Variants in EHMT1 observed in about 807,000 individuals in gnomAD.
EHMT1 encodes euchromatic histone lysine methyltransferase 1.
EHMT1 carries 15 observed loss-of-function variants against 147.2 expected under a neutral mutation model. The ratio of observed to expected loss-of-function variants is 0.10; its 90% CI spans 0.07 to 0.16. The LOEUF is 0.16. Ranked by LOEUF, EHMT1 falls within the 10% of genes least tolerant of loss-of-function variation. The probability of loss-of-function intolerance (pLI) is 1.00; values close to 1 mark genes in which losing one functional copy is unlikely to be tolerated. For missense variants in EHMT1, 1,587 were observed against 1,772.4 expected, an observed-to-expected ratio of 0.90 and a Z score of 1.88; for synonymous variants, 795 against 709.6, an observed-to-expected ratio of 1.12 and a Z score of -1.91.
At chr9:137,723,864 A>G (rs889715090) in intron 3 of EHMT1, among the ~76,000 whole-genome samples, 5 of 152,248 alleles carry the variant, frequency 3.3e-5, no homozygotes, top group Non-Finnish European at 7.3e-5. Flanking sequence ...TCCCGTGGCC[A>G]GAACCAAGGG....
At chr9:137,635,985 G>C (rs535429500) in intron 1 of EHMT1, among the ~76,000 whole-genome samples, 1 of 150,868 alleles carries the variant, frequency 6.6e-6, no homozygotes, top group Non-Finnish European at 1.5e-5. Flanking sequence ...GCAGTGGTAC[G>C]ATCTCGGTTC....
chr9:137,669,384 AC>A (rs1326378267), intron 1 of EHMT1, among the ~76,000 whole-genome samples: 4 of 97,194 alleles, frequency 4.1e-5, no homozygotes, highest in East Asian at 3.3e-4. Flanking sequence ...ACTGGACTCC[AC>A]CCAAGACGCC....
chr9:137,627,148 A>G (rs182112691), intron 1 of EHMT1, among the ~76,000 whole-genome samples: 1 of 151,732 alleles, frequency 6.6e-6, no homozygotes, highest in Non-Finnish European at 1.5e-5. Context: ...TGGTAGAGAC[A>G]GGGTTTCACC....
At chr9:137,822,419 A>AC (rs1955489109) in intron 25 of EHMT1, among the ~76,000 whole-genome samples, 1 of 152,134 alleles carries the variant, frequency 6.6e-6, no homozygotes, top group Non-Finnish European at 1.5e-5. Flanking sequence ...ATGATGGGGT[A>AC]CCTTTAACTT....
At chr9:137,740,558 C>A (rs1227037301) in intron 4 of EHMT1, among the ~76,000 whole-genome samples, 1 of 152,222 alleles carries the variant, frequency 6.6e-6, no homozygotes, top group African/African-American at 2.4e-5. Context: ...GCTGGAAGTC[C>A]CCCTGCAGGA....
intron 15 of EHMT1, among the ~76,000 whole-genome samples, chr9:137,790,420 T>G (rs1044522025): frequency 6.6e-6 from 1 of 152,224 alleles, no homozygotes; most frequent in Admixed American, 6.5e-5. Flanking sequence ...ATCAGGATTT[T>G]CCACTTATTT....
rs1003068196 is a variant in EHMT1, at chr9:137,802,809, G to C, written c.2712+1825G>C. 8.1e-6 allele frequency: 10 copies of C among 1,231,660 alleles called. No individual in the cohort carries two copies. The East Asian group carries it at 2.2e-4, about 27-fold the overall frequency. The allele number at this position is 1,231,660 out of a possible 1,614,324, so 76.3% of individuals were successfully genotyped here. Reference sequence around the variant, plus strand: ...TGCAGGGCTTCCATGACTGTATCCAGGGGGTTTCTACCTCATTCCACCGGA... The same window carrying C: ...TGCAGGGCTTCCATGACTGTATCCACGGGGTTTCTACCTCATTCCACCGGA... On this transcript the variant is annotated intron_variant, in intron 18 of 26. Coordinates refer to ENST00000460843, the MANE Select transcript of EHMT1 (RefSeq NM_024757.5).
chr9:137,815,681 C>T (rs1954862104), intron 22 of EHMT1: 1 of 495,728 alleles, frequency 2.0e-6, no homozygotes, highest in East Asian at 3.9e-5. Flanking sequence ...CTGGGAAGGC[C>T]CTGGGTGGAC....
At chr9:137,636,531 T>G (rs1327229359) in intron 1 of EHMT1, among the ~76,000 whole-genome samples, 4 of 152,218 alleles carry the variant, frequency 2.6e-5, no homozygotes, top group African/African-American at 9.6e-5. Flanking sequence ...AGCTATGAGT[T>G]TTTCCATAGA....
At chr9:137,705,963 C>T (rs1944234737) in intron 1 of EHMT1, among the ~76,000 whole-genome samples, 1 of 150,974 alleles carries the variant, frequency 6.6e-6, no homozygotes, top group Admixed American at 6.7e-5. Context: ...TTCCAAATTG[C>T]GAGGTGGGGA....
chr9:137,790,998 C>T (rs775280888), intron 16 of EHMT1, 28 bp downstream of exon 16: 1 of 1,614,032 alleles, frequency 6.2e-7, no homozygotes, highest in Non-Finnish European at 8.5e-7. Context: ...AATCAACGTC[C>T]TAGTGTGTGT....
chr9:137,718,155 C>T lies in EHMT1; in HGVS notation c.642+973C>T, dbSNP rs944798227. Among the ~76,000 whole-genome samples, 5 of 149,754 alleles carry T rather than the reference C, an allele frequency of 3.3e-5. No homozygotes were observed. In the East Asian group the frequency reaches 7.8e-4, roughly 23 times the overall value. ...AGGGCGCGCCTGCCCCTCACACGCA[C>T]CGTGCTGATTTTCACACACAGGGCG... On this transcript the variant is annotated intron_variant, in intron 3 of 26. Coordinates refer to ENST00000460843, the MANE Select transcript of EHMT1 (RefSeq NM_024757.5).
chr9:137,682,598 G>C (rs1433162681), intron 1 of EHMT1, among the ~76,000 whole-genome samples: 1 of 152,162 alleles, frequency 6.6e-6, no homozygotes, highest in Non-Finnish European at 1.5e-5. Flanking sequence ...TCTTCACCAG[G>C]TGGCAGAAAC....
chr9:137,697,982 G>A (rs1943530228), intron 1 of EHMT1, among the ~76,000 whole-genome samples: 1 of 149,822 alleles, frequency 6.7e-6, no homozygotes, highest in African/African-American at 2.5e-5. Flanking sequence ...ACTCCCCACT[G>A]TTGTGAGGGC....
intron 1 of EHMT1, among the ~76,000 whole-genome samples, chr9:137,694,440 C>T (rs557146598): frequency 1.3e-4 from 20 of 152,146 alleles, no homozygotes; most frequent in Non-Finnish European, 2.8e-4. Flanking sequence ...TGGCGCAGGA[C>T]GCTGGGACTG....
intron 1 of EHMT1, among the ~76,000 whole-genome samples, chr9:137,653,765 C>T (rs1050494133): frequency 3.3e-5 from 5 of 152,162 alleles, no homozygotes; most frequent in African/African-American, 4.8e-5. Flanking sequence ...CGACCCTGAT[C>T]CGCCTGCCTC....
rs971014821 is a variant in EHMT1, at chr9:137,671,539, T to C, written c.22-39428T>C. Among the ~76,000 whole-genome samples, 17 of 150,078 alleles carry C rather than the reference T, an allele frequency of 1.1e-4. No individual in the cohort carries two copies. The East Asian group carries it at 3.3e-3, about 29-fold the overall frequency. On this transcript the variant is annotated intron_variant, in intron 1 of 26. Coordinates refer to ENST00000460843, the MANE Select transcript of EHMT1 (RefSeq NM_024757.5). ...TTCTTTCTTTTTTTTTTTTTTTTTT[T>C]TTCGAGACAGAGTTTCGCTCTGTCT...
intron 25 of EHMT1, among the ~76,000 whole-genome samples, chr9:137,827,607 A>G (rs906622059): frequency 5.3e-5 from 8 of 152,196 alleles, no homozygotes; most frequent in Non-Finnish European, 7.3e-5. Context: ...GCCTGGGGCT[A>G]CAGGGACCCC....
intron 1 of EHMT1, among the ~76,000 whole-genome samples, chr9:137,677,447 T>G (rs1941472820): frequency 6.6e-6 from 1 of 152,056 alleles, no homozygotes; most frequent in Admixed American, 6.6e-5. Flanking sequence ...ACTGGACATT[T>G]TTAATTTTTT....
Sources: allele counts gnomAD v4.1 joint callset (sites outside exome capture counted in the v4.1 genomes callset), GRCh38; gene constraint gnomAD v4.1.1; transcripts MANE v1.5; gene names NCBI Gene and HGNC (gene_info 2026-07-23, HGNC 2026-07-21).